The following CRISPLD2 variants were observed in gnomAD, a reference collection of about 807,000 sequenced individuals.
CRISPLD2 encodes the protein cysteine rich secretory protein LCCL domain containing 2, also known as cysteine-rich secretory protein LCCL domain-containing 2.
CRISPLD2 carries 47 observed loss-of-function variants against 71.1 expected under a neutral mutation model. The ratio of observed to expected loss-of-function variants is 0.66; its 90% CI spans 0.52 to 0.84. CRISPLD2 has a LOEUF of 0.84. Ranked by LOEUF, CRISPLD2 falls within the 40% of genes least tolerant of loss-of-function variation. The pLI, the probability that CRISPLD2 is intolerant of heterozygous loss-of-function variation, is 0.00. For missense variants in CRISPLD2, 830 were observed against 651.1 expected (o/e 1.27, Z -2.99); for synonymous variants, 317 against 250.1 (o/e 1.27, Z -2.52).
intron 2 of CRISPLD2, among the ~76,000 whole-genome samples, chr16:84,844,698 G>A (rs185840551): frequency 1.4e-4 from 22 of 152,210 alleles, no homozygotes; most frequent in Admixed American, 1.0e-3. Context: ...ACTGAAATGC[G>A]GCATCCATTC....
intron 6 of CRISPLD2, among the ~76,000 whole-genome samples, chr16:84,865,483 A>G (rs952893274): frequency 6.6e-6 from 1 of 152,110 alleles, no homozygotes; most frequent in Non-Finnish European, 1.5e-5. Context: ...ATCCAAAACC[A>G]CAAAGAGACC....
At chr16:84,870,141 T>C (rs2071453364) in intron 8 of CRISPLD2, among the ~76,000 whole-genome samples, 1 of 152,210 alleles carries the variant, frequency 6.6e-6, no homozygotes, top group South Asian at 2.1e-4. Context: ...GGGTTTTTTT[T>C]CTGACTTGAA....
At chr16:84,841,042 G>A (rs573812952) in intron 2 of CRISPLD2, among the ~76,000 whole-genome samples, 2 of 152,354 alleles carry the variant, frequency 1.3e-5, no homozygotes, top group South Asian at 2.1e-4. Flanking sequence ...GTGTAGCCAG[G>A]AAGTATTTGT....
chr16:84,866,239 G>GT (rs11409128), intron 6 of CRISPLD2, among the ~76,000 whole-genome samples: 48 of 148,314 alleles, frequency 3.2e-4, no homozygotes, highest in Middle Eastern at 3.5e-3. Context: ...TTGTTTTTTG[G>GT]TTTTTTTTTT....
chr16:84,836,682 G>A (rs559976116), intron 1 of CRISPLD2, among the ~76,000 whole-genome samples: 11 of 152,224 alleles, frequency 7.2e-5, no homozygotes, highest in Admixed American at 3.3e-4. Context: ...TGGGATGCCC[G>A]TCTTGGCCTC....
chr16:84,904,180 A>T (rs965546161), intron 14 of CRISPLD2, among the ~76,000 whole-genome samples: 2 of 152,188 alleles, frequency 1.3e-5, no homozygotes, highest in Non-Finnish European at 2.9e-5. Flanking sequence ...TGCCCACAGC[A>T]AGAGGAGCAA....
intron 2 of CRISPLD2, among the ~76,000 whole-genome samples, chr16:84,842,690 G>A (rs1027594561): frequency 5.9e-5 from 9 of 151,922 alleles, no homozygotes; most frequent in East Asian, 3.9e-4. Flanking sequence ...TTTCTTTTTC[G>A]CCGCCAATTT....
At chr16:84,878,130 G>A (rs199658381) in intron 12 of CRISPLD2, among the ~76,000 whole-genome samples, 4 of 151,786 alleles carry the variant, frequency 2.6e-5, no homozygotes, top group Admixed American at 1.3e-4. Flanking sequence ...AGTCTGAGGC[G>A]GGAGAATGGC....
Position 84,908,200 on chromosome 16 carries a change from A to T in CRISPLD2, c.*1558A>T, listed in dbSNP as rs1467713306. 1 of 152,262 alleles carries T rather than the reference A, an allele frequency of 6.6e-6. No homozygotes were observed. The highest frequency in any genetic ancestry group is 1.5e-5 in the Non-Finnish European group (1 of 68,040). 9.4% of individuals were successfully genotyped at this position (152,262 alleles called of 1,614,324 possible). A position where few individuals can be genotyped will look rare whatever the true frequency, so the allele number is the denominator to read the frequency against. ...AAGGTAAATAGGTTTAAAACAAAAC[A>T]AAAACCCACCCCTTTAAGGAGTTGG... On this transcript the variant is annotated 3_prime_UTR_variant, in exon 15 of 15. Coordinates refer to ENST00000262424, the MANE Select transcript of CRISPLD2 (RefSeq NM_031476.4).
rs375893011 is a variant in CRISPLD2 at position 84,839,671 on chromosome 16, G to A, written c.240+936G>A. The A allele has an allele frequency of 7.6e-4, 116 of 152,436 alleles. 1 individual carries two copies. The highest frequency in any genetic ancestry group is 2.7e-3 in the African/African-American group (112 of 41,556). 9.4% of individuals were successfully genotyped at this position (152,436 alleles called of 1,614,324 possible). ...AGTGTGGAAACTTCCTTCCTGGCTGGTTTTCCAGAACTACAGAGGAATGGA... is the reference window on the plus strand; with the variant it reads ...AGTGTGGAAACTTCCTTCCTGGCTGATTTTCCAGAACTACAGAGGAATGGA... On this transcript the variant is annotated intron_variant, in intron 2 of 14. Transcript: ENST00000262424.
At chr16:84,874,222 C>T (rs1290569140) in intron 11 of CRISPLD2, among the ~76,000 whole-genome samples, 1 of 152,166 alleles carries the variant, frequency 6.6e-6, no homozygotes, top group Non-Finnish European at 1.5e-5. Context: ...ATACTGATGC[C>T]TGGGGCTAAA....
chr16:84,898,819 G>T (rs1239971379), intron 14 of CRISPLD2, among the ~76,000 whole-genome samples: 2 of 152,110 alleles, frequency 1.3e-5, no homozygotes, highest in Non-Finnish European at 2.9e-5. Flanking sequence ...TTGGTTGAGG[G>T]CTTTTATTTC....
intron 14 of CRISPLD2, among the ~76,000 whole-genome samples, chr16:84,892,349 C>T (rs760301924): frequency 3.3e-5 from 5 of 152,226 alleles, no homozygotes; most frequent in Non-Finnish European, 1.5e-5. Flanking sequence ...AAGAGTCACG[C>T]GAACCTGGCA....
intron 2 of CRISPLD2, among the ~76,000 whole-genome samples, chr16:84,843,785 C>G (rs746856764): frequency 2.6e-5 from 4 of 152,206 alleles, no homozygotes; most frequent in African/African-American, 4.8e-5. Context: ...GAAGAGCCCC[C>G]TTAGTAGCCA....
At position 84,909,141 on chromosome 16, in the gene CRISPLD2, A is replaced by G. The variant is rs1042769264; in HGVS notation, c.*2499A>G. The G allele has an allele frequency of 1.3e-5, 2 of 152,560 alleles. No individual in the cohort carries two copies. Among genetic ancestry groups the G allele is most frequent in the Non-Finnish European group, 2.9e-5 (2 of 68,034 alleles). 9.5% of individuals were successfully genotyped at this position (152,560 alleles called of 1,614,324 possible). A position where few individuals can be genotyped will look rare whatever the true frequency, so the allele number is the denominator to read the frequency against. ...GAGGCCCCTCGTGCTACCAACACTT[A>G]CCCTGTGTTTAAAAAGATCTTGTAC... On this transcript the variant is annotated 3_prime_UTR_variant, in exon 15 of 15. Transcript: ENST00000262424.
intron 6 of CRISPLD2, among the ~76,000 whole-genome samples, chr16:84,857,439 C>T (rs141918228): frequency 0.015 from 2,308 of 152,346 alleles, 34 homozygotes; most frequent in Non-Finnish European, 0.024. Context: ...ATTTCTCTGT[C>T]GCCAATTTCC....
chr16:84,875,195 C>T (rs1471131824), intron 11 of CRISPLD2, among the ~76,000 whole-genome samples: 1 of 152,002 alleles, frequency 6.6e-6, no homozygotes, highest in Non-Finnish European at 1.5e-5. Flanking sequence ...GAGTCATGTT[C>T]ATGCCACTAC....
intron 14 of CRISPLD2, among the ~76,000 whole-genome samples, chr16:84,902,375 C>A (rs969287392): frequency 6.6e-6 from 1 of 151,446 alleles, no homozygotes; most frequent in Non-Finnish European, 1.5e-5. Context: ...TTTGGGAGGC[C>A]GAGGAGGGTG....
chr16:84,879,450 C>A (rs796560406), intron 12 of CRISPLD2, among the ~76,000 whole-genome samples: 7 of 151,538 alleles, frequency 4.6e-5, no homozygotes, highest in African/African-American at 1.7e-4. Flanking sequence ...GCAACCTCTG[C>A]CTCCCAGATT....
Sources: allele counts gnomAD v4.1 joint callset (sites outside exome capture counted in the v4.1 genomes callset), GRCh38; gene constraint gnomAD v4.1.1; transcripts MANE v1.5; gene names NCBI Gene and HGNC (gene_info 2026-07-23, HGNC 2026-07-21).